OR11A1: variants seen among roughly 807,000 people sequenced by gnomAD.
OR11A1 encodes the protein olfactory receptor 11A1.
For synonymous variants in OR11A1, 158 were observed against 152.2 expected, an observed-to-expected ratio of 1.04 and a Z score of -0.28; for missense variants, 380 against 378.2, an observed-to-expected ratio of 1.00 and a Z score of -0.04.
intron 1 of OR11A1, among the ~76,000 whole-genome samples, chr6:29,433,844 C>T (rs997942551): frequency 3.3e-5 from 5 of 152,044 alleles, no homozygotes; most frequent in African/African-American, 1.2e-4. Context: ...TATCTCTTAT[C>T]TTTTCTGTAG....
intron 1 of OR11A1, among the ~76,000 whole-genome samples, chr6:29,437,212 C>A (rs1009297611): frequency 6.6e-6 from 1 of 152,198 alleles, no homozygotes; most frequent in African/African-American, 2.4e-5. Context: ...GATTATAAAT[C>A]ATGCTGCTAT....
At chr6:29,428,333 G>A (rs1782997713) in intron 4 of OR11A1, 1 of 985,468 alleles carries the variant, frequency 1.0e-6, no homozygotes, top group Non-Finnish European at 1.2e-6. Context: ...AGGGAAGGAA[G>A]TAGGTGCCAT....
intron 1 of OR11A1, among the ~76,000 whole-genome samples, chr6:29,448,023 T>C (rs1784956403): frequency 2.1e-5 from 3 of 143,056 alleles, no homozygotes; most frequent in African/African-American, 7.8e-5. Flanking sequence ...TTTTTTTTTT[T>C]TTTTTTTTTT....
chr6:29,444,467 A>C (rs961468321), intron 1 of OR11A1, among the ~76,000 whole-genome samples: 6 of 152,222 alleles, frequency 3.9e-5, no homozygotes, highest in African/African-American at 4.8e-5. Context: ...AACTCTTTGC[A>C]TCATCTTTTT....
chr6:29,446,465 T>C (rs968419242), intron 1 of OR11A1, among the ~76,000 whole-genome samples: 1 of 152,190 alleles, frequency 6.6e-6, no homozygotes, highest in African/African-American at 2.4e-5. Context: ...GGACTGACAA[T>C]GTCACCTGCC....
At chr6:29,440,369 C>A (rs1409744123) in intron 1 of OR11A1, 10 of 1,614,130 alleles carry the variant, frequency 6.2e-6, no homozygotes, top group Non-Finnish European at 8.5e-6. Context: ...CAGCCATGGC[C>A]TATGACCGCT....
chr6:29,443,448 T>C (rs1784411246), intron 1 of OR11A1, among the ~76,000 whole-genome samples: 1 of 152,240 alleles, frequency 6.6e-6, no homozygotes, highest in South Asian at 2.1e-4. Context: ...GCCATTCCTT[T>C]TCATTTCTGA....
rs183380590 is a variant in OR11A1, at chr6:29,456,298, G to A, written c.-389+689C>T. Among the ~76,000 whole-genome samples the A allele has an allele frequency of 1.4e-3, 214 of 151,444 alleles. 5 individuals carry two copies. In the East Asian group the frequency reaches 0.021, roughly 15 times the overall value. The stretch of plus-strand genomic sequence containing the variant: ...AGCACTTTGGGAGGCCGAGGTGGGC[G>A]GATCACGAGGTCAGGAGATCGAGAC... On this transcript the variant is annotated intron_variant, in intron 1 of 4. Transcript: ENST00000377149.
chr6:29,439,672 G>C (rs1783937186), intron 1 of OR11A1: 1 of 283,080 alleles, frequency 3.5e-6, no homozygotes, highest in South Asian at 1.2e-4. Flanking sequence ...AATCAGAAAA[G>C]AGTGAAAAGG....
chr6:29,446,836 A>G (rs7739243), intron 1 of OR11A1, among the ~76,000 whole-genome samples: 15,093 of 152,192 alleles, frequency 0.099, 1,368 homozygotes, highest in African/African-American at 0.24. Flanking sequence ...GAGCCAAAGT[A>G]ACTGCTGAGT....
chr6:29,456,086 T>C (rs1786170964), intron 1 of OR11A1, among the ~76,000 whole-genome samples: 1 of 151,360 alleles, frequency 6.6e-6, no homozygotes, highest in African/African-American at 2.4e-5. Flanking sequence ...AATAATTAGC[T>C]GGGCATGGTG....
At position 29,427,535 on chromosome 6, in the gene OR11A1, A is replaced by G; in HGVS notation, c.107T>C (p.Val36Ala). The change falls in exon 5 of 5, where the codon GTC (valine) becomes GCC (alanine). Residue 36 changes from valine (V) to alanine (A), a missense_variant. Coordinates refer to ENST00000377149, the MANE Select transcript of OR11A1 (RefSeq NM_001394828.1). ...ATTCCCTATGATGATGAAGACATAG[A>G]CAGCAGTGAATACAATAAAAAACAA... The part of the protein sequence containing the change: ...HFLFFIVFTA[V>A]YVFIIIGNML... 6.2e-7 allele frequency: 1 copy of G among 1,613,084 alleles called. No homozygotes were observed. The highest frequency in any genetic ancestry group is 8.5e-7 in the Non-Finnish European group (1 of 1,180,018).
chr6:29,431,115 C>G (rs1422170499), intron 2 of OR11A1, among the ~76,000 whole-genome samples: 1 of 152,104 alleles, frequency 6.6e-6, no homozygotes, highest in African/African-American at 2.4e-5. Context: ...AACCATAACC[C>G]TCATTCAACC....
intron 1 of OR11A1, among the ~76,000 whole-genome samples, chr6:29,449,118 G>C (rs1214935121): frequency 6.6e-6 from 1 of 152,188 alleles, no homozygotes; most frequent in Non-Finnish European, 1.5e-5. Flanking sequence ...ACACTATTCT[G>C]TATGTACTAG....
chr6:29,456,879 G>C (rs1218083627), intron 1 of OR11A1, 108 bp downstream of exon 1: 2 of 152,122 alleles, frequency 1.3e-5, no homozygotes, highest in Admixed American at 6.5e-5. Flanking sequence ...AAAACTTTTT[G>C]TGAATACATA....
At chr6:29,451,166 T>C (rs1248472086) in intron 1 of OR11A1, among the ~76,000 whole-genome samples, 3 of 152,254 alleles carry the variant, frequency 2.0e-5, no homozygotes, top group African/African-American at 7.2e-5. Context: ...AGATTGAAAC[T>C]GGACCCTTTC....
intron 1 of OR11A1, chr6:29,439,878 A>G (rs1309956836): frequency 5.9e-6 from 4 of 675,360 alleles, no homozygotes; most frequent in African/African-American, 3.6e-5. Flanking sequence ...TTCAAAGTCC[A>G]TGATATTCTA....
Position 29,427,150 on chromosome 6 carries a change from C to T in OR11A1, c.492G>A (p.Val164=). 6.2e-7 allele frequency: 1 copy of T among 1,613,080 alleles called. No individual in the cohort carries two copies. The highest frequency in any genetic ancestry group is 8.5e-7 in the Non-Finnish European group (1 of 1,180,024). The change falls in exon 5 of 5, where the codon GTG becomes GTA. Residue 164 remains valine, a synonymous_variant. Coordinates refer to ENST00000377149, the MANE Select transcript of OR11A1 (RefSeq NM_001394828.1). The part of the protein sequence containing the change: ...FVVDGLVVAL[V]AQLRFCGPNH... ...TGGGGCCACAGAACCTCAGCTGGGCCACCAGGGCCACAACCAGTCCATCTA... is the reference window on the plus strand; with the variant it reads ...TGGGGCCACAGAACCTCAGCTGGGCTACCAGGGCCACAACCAGTCCATCTA...
intron 2 of OR11A1, among the ~76,000 whole-genome samples, 178 bp from the exon 3 acceptor site, chr6:29,430,603 G>A (rs116784759): frequency 6.6e-6 from 1 of 152,170 alleles, no homozygotes; most frequent in African/African-American, 2.4e-5. Flanking sequence ...ATAAGTGGGA[G>A]CTAAATAATG....
Sources: gnomAD v4.1 joint callset for allele counts (sites outside exome capture counted in the v4.1 genomes callset) on GRCh38, gnomAD v4.1.1 for gene constraint, MANE v1.5 for transcripts, NCBI Gene and HGNC (gene_info 2026-07-23, HGNC 2026-07-21) for gene names.